DMD: variants seen among roughly 807,000 people sequenced by gnomAD.
The protein encoded by DMD is mutant dystrophin.
DMD carries 63 observed loss-of-function variants against 330.1 expected under a neutral mutation model. That is an observed-to-expected ratio of 0.19 (90% CI 0.16 to 0.24). The LOEUF is 0.24. Among genes scored for constraint, DMD ranks in the 10% least tolerant of loss-of-function variants. DMD has a pLI of 1.00. For missense variants in DMD, 3,344 were observed against 2,684.1 expected, an observed-to-expected ratio of 1.25 and a Z score of -5.43; for synonymous variants, 1,223 against 959.8, an observed-to-expected ratio of 1.27 and a Z score of -5.07.
chrX:32,869,318 A>T (rs1171647707), intron 2 of DMD, among the ~76,000 whole-genome samples: 1 of 110,685 alleles, frequency 9.0e-6, no homozygotes. Flanking sequence ...AACACTGAAA[A>T]CTCAAAAAGC....
At chrX:32,034,161 C>T (rs1033447679) in intron 44 of DMD, among the ~76,000 whole-genome samples, 2 of 111,808 alleles carry the variant, frequency 1.8e-5, no homozygotes, top group African/African-American at 6.5e-5. Context: ...CCCTGGCATA[C>T]ATTTCTAATG....
intron 43 of DMD, among the ~76,000 whole-genome samples, chrX:32,279,183 A>G (rs1206410808): frequency 8.9e-6 from 1 of 111,732 alleles, no homozygotes; most frequent in Non-Finnish European, 1.9e-5. Flanking sequence ...GAGAGTGTGA[A>G]GAAAAGGGGA....
At chrX:32,813,181 C>T (rs1429322737) in intron 6 of DMD, among the ~76,000 whole-genome samples, 3 of 111,589 alleles carry the variant, frequency 2.7e-5, no homozygotes, top group Non-Finnish European at 3.8e-5. Flanking sequence ...TTTGAGGTCA[C>T]GTCTAGCATT....
intron 1 of DMD, among the ~76,000 whole-genome samples, chrX:33,089,490 T>C (rs888828842): frequency 9.0e-5 from 10 of 110,655 alleles, no homozygotes; most frequent in African/African-American, 3.3e-4. Flanking sequence ...GCCCAGGAGT[T>C]CCAGGCCAGC....
intron 24 of DMD, 130 bp downstream of exon 24, chrX:32,464,456 G>T (rs758081788): frequency 1.9e-6 from 1 of 515,254 alleles, no homozygotes; most frequent in Non-Finnish European, 3.4e-6. Context: ...AATCAAAAAC[G>T]TCTAGAAACA....
chrX:31,388,846 G>A (rs904769675), intron 60 of DMD, among the ~76,000 whole-genome samples: 1 of 112,268 alleles, frequency 8.9e-6, no homozygotes, highest in Non-Finnish European at 1.9e-5. Flanking sequence ...AGGTTGCAGT[G>A]AGCCAAGATC....
chrX:32,596,247 C>T (rs2055512442), intron 12 of DMD, among the ~76,000 whole-genome samples: 1 of 108,798 alleles, frequency 9.2e-6, no homozygotes, highest in African/African-American at 3.3e-5. Context: ...AAAACAAACT[C>T]TTGATCCAAC....
chrX:31,735,233 CAG>C (rs2086786191), intron 51 of DMD, among the ~76,000 whole-genome samples: 2 of 111,901 alleles, frequency 1.8e-5, no homozygotes, highest in African/African-American at 6.5e-5. Flanking sequence ...CTCTTCCTTG[CAG>C]AGTCAGAATT....
chrX:32,726,237 T>C (rs1471424773), intron 7 of DMD, among the ~76,000 whole-genome samples: 1 of 111,298 alleles, frequency 9.0e-6, no homozygotes, highest in Non-Finnish European at 1.9e-5. Context: ...ATATTATTAG[T>C]TCGATAGATA....
chrX:32,175,574 C>T (rs779757324), intron 44 of DMD, among the ~76,000 whole-genome samples: 3 of 110,861 alleles, frequency 2.7e-5, no homozygotes, highest in South Asian at 3.9e-4. Context: ...CGCAGAGGTC[C>T]GTGGCTTCGT....
chrX:32,835,520 T>C (rs765846040), intron 4 of DMD, among the ~76,000 whole-genome samples: 4 of 112,821 alleles, frequency 3.5e-5, no homozygotes, highest in African/African-American at 1.3e-4. Flanking sequence ...TTCTTCTCAA[T>C]AAGTGGCTTT....
At chrX:32,955,827 T>C (rs779746460) in intron 2 of DMD, among the ~76,000 whole-genome samples, 2 of 112,104 alleles carry the variant, frequency 1.8e-5, no homozygotes, top group South Asian at 7.4e-4. Flanking sequence ...TTGTCAGCTT[T>C]GTTGAAGATC....
intron 1 of DMD, chrX:33,041,491 C>G (rs2094300610): frequency 1.1e-5 from 13 of 1,206,173 alleles, no homozygotes; most frequent in Admixed American, 6.5e-5. Context: ...GGCAAAACAA[C>G]AAGAAGAAAA....
At chrX:33,262,253 A>G (rs1038920350) in intron 1 of DMD, among the ~76,000 whole-genome samples, 1 of 111,615 alleles carries the variant, frequency 9.0e-6, no homozygotes, top group Non-Finnish European at 1.9e-5. Context: ...GTGAATTAGA[A>G]GATACTAATG....
chrX:33,259,604 C>G (rs1379957943), intron 1 of DMD, among the ~76,000 whole-genome samples: 1 of 68,964 alleles, frequency 1.5e-5, no homozygotes, highest in Non-Finnish European at 2.8e-5. Context: ...ATCGCCCCCC[C>G]CCCCCAAAAA....
chrX:31,952,543 A>C (rs1441885632), intron 45 of DMD, among the ~76,000 whole-genome samples: 1 of 106,808 alleles, frequency 9.4e-6, no homozygotes, highest in African/African-American at 3.4e-5. Flanking sequence ...TAGAATTTTC[A>C]TTTGGTTCTT....
chrX:31,456,960 A>C (rs894738498), intron 59 of DMD, among the ~76,000 whole-genome samples: 2 of 107,478 alleles, frequency 1.9e-5, no homozygotes, highest in Admixed American at 2.1e-4. Flanking sequence ...GAGGTACACA[A>C]TTTAATGGGT....
At chrX:32,974,449 A>G (rs1227464515) in intron 2 of DMD, among the ~76,000 whole-genome samples, 1 of 111,807 alleles carries the variant, frequency 8.9e-6, no homozygotes, top group Non-Finnish European at 1.9e-5. Context: ...ACAGTATGTG[A>G]ATAATATCTT....
At chrX:32,844,406 C>CAAAAAA (rs113585554) in intron 4 of DMD, among the ~76,000 whole-genome samples, 1 of 74,034 alleles carries the variant, frequency 1.4e-5, no homozygotes, top group East Asian at 4.6e-4. Flanking sequence ...GACTCCATCT[C>CAAAAAA]AAAAAAAAAA....
Sources: gnomAD v4.1 joint callset for allele counts (sites outside exome capture counted in the v4.1 genomes callset) on GRCh38, gnomAD v4.1.1 for gene constraint, MANE v1.5 for transcripts, NCBI Gene and HGNC (gene_info 2026-07-23, HGNC 2026-07-21) for gene names.